The following ACTN3 variants were observed in gnomAD, a reference collection of about 807,000 sequenced individuals.
ACTN3 encodes the protein actinin alpha 3.
ACTN3 carries 91 observed loss-of-function variants against 119.6 expected under a neutral mutation model. The observed-to-expected ratio is 0.76, with a 90% confidence interval of 0.64 to 0.91. ACTN3 has a LOEUF of 0.91. Ranked by LOEUF, ACTN3 falls within the 40% of genes least tolerant of loss-of-function variation. The pLI, the probability that ACTN3 is intolerant of heterozygous loss-of-function variation, is 0.00. For missense variants in ACTN3, 1,221 were observed against 1,215.1 expected (o/e 1.00, Z -0.07); for synonymous variants, 456 against 478.8 (o/e 0.95, Z 0.62).
Position 66,563,169 on chromosome 11 carries a change from C to T in ACTN3, c.2682C>T (p.Ala894=). The change falls in exon 21 of 21, where the codon GCC becomes GCT. Residue 894 remains alanine, a synonymous_variant. Coordinates refer to ENST00000513398, the MANE Select transcript of ACTN3 (RefSeq NM_001104.4). ...TGGACTACGTGGCCTTCTCCAGTGC[C>T]CTCTATGGGGAGAGCGACCTTTGAC... ...GALDYVAFSS[A]LYGESDL 1.2e-6 allele frequency: 2 copies of T among 1,611,448 alleles called. No individual in the cohort carries two copies. The highest frequency in any genetic ancestry group is 2.2e-5 in the East Asian group (1 of 44,840).
intron 1 of ACTN3, 55 bp downstream of exon 1, chr11:66,547,139 T>C: frequency 1.4e-6 from 2 of 1,448,616 alleles, no homozygotes; most frequent in Non-Finnish European, 9.1e-7. Context: ...GGCCGGGCTG[T>C]TTGTCCTGGG....
In ACTN3 at chr11:66,551,173, G is replaced by T. The variant is rs931270274; in HGVS notation, c.148-66G>T. 8 of 1,179,414 alleles carry T rather than the reference G, an allele frequency of 6.8e-6. No homozygotes were observed. In the African/African-American group the frequency reaches 9.1e-5, roughly 13 times the overall value. 73.1% of individuals were successfully genotyped at this position (1,179,414 alleles called of 1,614,324 possible). On this transcript the variant is annotated intron_variant, in intron 1 of 20. Coordinates refer to ENST00000513398, the MANE Select transcript of ACTN3 (RefSeq NM_001104.4). ...CTCTGAGACCTACCCTGACTGAGGA[G>T]ACAGGACTGTGCCCTACATCCCCCA...
At chr11:66,550,719 T>C (rs1857451668) in intron 1 of ACTN3, among the ~76,000 whole-genome samples, 1 of 152,170 alleles carries the variant, frequency 6.6e-6, no homozygotes, top group Non-Finnish European at 1.5e-5. Flanking sequence ...CTCAGAGTCC[T>C]TACTCATGTA....
At position 66,561,302 on chromosome 11, in the gene ACTN3, CG is replaced by C; in HGVS notation, c.1938del (p.Arg647AspfsTer28). 1.2e-6 allele frequency: 2 copies of C among 1,610,010 alleles called. No individual in the cohort carries two copies. The highest frequency in any genetic ancestry group is 1.7e-6 in the Non-Finnish European group (2 of 1,178,828). ...LARQQVNERLRRQFAAQANAI... is the reference protein window; with the variant it reads ...LARQQVNERLXRQFAAQANAI... ...ACGGCAGCAGGTAAACGAGAGGCTC[CG>C]GCGACAGTTTGCGGCCCAGGCCAAT... is the stretch of plus-strand genomic sequence containing the variant. On this transcript the variant is annotated frameshift_variant, in exon 16 of 21. Coordinates refer to ENST00000513398, the MANE Select transcript of ACTN3 (RefSeq NM_001104.4). LOFTEE classifies it high-confidence loss of function.
chr11:66,551,887 C>T (rs1254866972), intron 3 of ACTN3, among the ~76,000 whole-genome samples: 2 of 151,934 alleles, frequency 1.3e-5, no homozygotes, highest in Non-Finnish European at 2.9e-5. Flanking sequence ...ACCAGCCTGG[C>T]CAACATGGCA....
chr11:66,556,301 T>G lies in ACTN3; in HGVS notation c.804+71T>G, dbSNP rs570930228. 5.4e-6 allele frequency: 8 copies of G among 1,479,264 alleles called. No homozygotes were observed. The East Asian group carries it at 1.4e-4, about 26-fold the overall frequency. The allele number at this position is 1,479,264 out of a possible 1,614,324, so 91.6% of individuals were successfully genotyped here. On this transcript the variant is annotated intron_variant, in intron 8 of 20. Transcript: ENST00000513398. ...CCCAACCTTGGCTGTAGTCCAACAT[T>G]GGAGGCGCCAGACCACGGAGGTTGG...
At chr11:66,554,216 CCACTTGAAGGA>C in intron 4 of ACTN3, 85 bp downstream of exon 4, 1 of 1,165,480 alleles carries the variant, frequency 8.6e-7, no homozygotes, top group Non-Finnish European at 1.3e-6. Context: ...GGCGGGCAGA[CCACTTGAAGGA>C]TCGCCCAGGA....
At chr11:66,560,384 T>C in intron 14 of ACTN3, 73 bp downstream of exon 14, 1 of 1,548,864 alleles carries the variant, frequency 6.5e-7, no homozygotes, top group Non-Finnish European at 8.7e-7. Flanking sequence ...CCCACAACTT[T>C]AGGCTCCTGG....
chr11:66,547,002 G>A lies in ACTN3; in HGVS notation c.65G>A (p.Gly22Glu), dbSNP rs372753126. The A allele has an allele frequency of 1.2e-5, 19 of 1,522,632 alleles. No individual in the cohort carries two copies. In the African/African-American group the frequency reaches 2.2e-4, roughly 18 times the overall value. 94.3% of individuals were successfully genotyped at this position (1,522,632 alleles called of 1,614,324 possible). A position where few individuals can be genotyped will look rare whatever the true frequency, so the allele number is the denominator to read the frequency against. Residue 22 changes from glycine (G) to glutamate (E), a missense_variant, in exon 1 of 21, where the codon GGG becomes GAG. Physicochemically the swap from Gly to Glu is moderately conservative, Grantham distance 98. Around this residue, in one of 3 missense-constraint regions of ACTN3, gnomAD observed 239 missense variants for 231.8 expected, o/e 1.03. Coordinates refer to ENST00000513398, the MANE Select transcript of ACTN3 (RefSeq NM_001104.4). ...GAGGGGCGCTTTGCGGGCGGCGGCG[G>A]GGGCGGCGAGTACATGGAACAGGAG... ...AGEGRFAGGG[G>E]GGEYMEQEED...
At position 66,557,831 on chromosome 11, in the gene ACTN3, GA is replaced by G. The variant is rs1439161485; in HGVS notation, c.1034del (p.Lys345SerfsTer87). On this transcript the variant is annotated frameshift_variant, in exon 10 of 21. Transcript: ENST00000513398. LOFTEE classifies it high-confidence loss of function. ...TCTGCACAAGCCGCCCCGCATTCAG[GA>G]AAAGTGCCAGCTGGAGATCAACTTC... is the stretch of plus-strand genomic sequence containing the variant. ...RRLHKPPRIQ[E>X]KCQLEINFNT... 1.2e-6 allele frequency: 2 copies of G among 1,614,198 alleles called. No homozygotes were observed. The highest frequency in any genetic ancestry group is 1.7e-6 in the Non-Finnish European group (2 of 1,180,026).
chr11:66,547,343 C>T (rs923520084), intron 1 of ACTN3, among the ~76,000 whole-genome samples: 16 of 152,274 alleles, frequency 1.1e-4, no homozygotes, highest in South Asian at 1.0e-3. Flanking sequence ...GGCCCACTGC[C>T]CCACTTCTGC....
At chr11:66,557,104 T>C in intron 8 of ACTN3, 29 bp from the exon 9 acceptor site, 1 of 1,548,702 alleles carries the variant, frequency 6.5e-7, no homozygotes, top group Non-Finnish European at 8.7e-7. Context: ...TTTGCTTTAA[T>C]GCCAGCCTTC....
chr11:66,560,158 C>G lies in ACTN3; in HGVS notation c.1537-13C>G. ...AGGGCAGGCTTCTGACCCACTACGC[C>G]TCCCACCTCTAGCGGATGGAGAAGC... On this transcript the variant is annotated splice_polypyrimidine_tract_variant and intron_variant, in intron 13 of 20. Transcript: ENST00000513398. 1 of 1,593,204 alleles carries G rather than the reference C, an allele frequency of 6.3e-7. No individual in the cohort carries two copies. The highest frequency in any genetic ancestry group is 8.5e-7 in the Non-Finnish European group (1 of 1,170,132).
rs1028224789 is a variant in ACTN3, at chr11:66,558,127, C to A, written c.1229C>A (p.Ala410Asp). Residue 410 changes from alanine to aspartate, a missense_variant, in exon 11 of 21, where the codon GCT becomes GAT. Around this residue, in one of 3 missense-constraint regions of ACTN3, gnomAD observed 934 missense variants for 899.9 expected, o/e 1.04. Coordinates refer to ENST00000513398, the MANE Select transcript of ACTN3 (RefSeq NM_001104.4). The stretch of plus-strand genomic sequence containing the variant: ...CGCCTGCAGCGACTCCAGCACCTGG[C>A]TGAGAAGTTCCGGCAGAAGGCCTCC... ...IRRLQRLQHL[A>D]EKFRQKASLH... 2 of 1,613,802 alleles carry A rather than the reference C, an allele frequency of 1.2e-6. No homozygotes were observed. Among genetic ancestry groups the A allele is most frequent in the African/African-American group, 1.3e-5 (1 of 74,952 alleles).
Position 66,562,789 on chromosome 11 carries a change from C to T in ACTN3, c.2389-7C>T, listed in dbSNP as rs749900859. The T allele has an allele frequency of 4.4e-6, 7 of 1,600,244 alleles. No individual in the cohort carries two copies. The East Asian group carries it at 1.6e-4, about 36-fold the overall frequency. ...ATGGGCATAGTGCCTGGCCTCTATC[C>T]CTGCAGGGGGAAGTGGAGTTTGCTC... On this transcript the variant is annotated splice_polypyrimidine_tract_variant and splice_region_variant and intron_variant, in intron 19 of 20. Transcript: ENST00000513398.
chr11:66,560,528 G>A, intron 14 of ACTN3, 45 bp from the exon 15 acceptor site: 1 of 1,574,684 alleles, frequency 6.4e-7, no homozygotes, highest in South Asian at 1.2e-5. Flanking sequence ...GTTGCCTGTG[G>A]TAAGTGGGGG....
Position 66,554,084 on chromosome 11 carries a change from T to C in ACTN3, c.422T>C (p.Ile141Thr). ...AACCTGAAGATGACCCTGGGCATGATCTGGACCATCATCCTTCGCTTCGCC... is the reference window on the plus strand; with the variant it reads ...AACCTGAAGATGACCCTGGGCATGACCTGGACCATCATCCTTCGCTTCGCC... ...DGNLKMTLGM[I>T]WTIILRFAIQ... Residue 141 changes from isoleucine (I) to threonine (T), a missense_variant, in exon 4 of 21, where the codon ATC becomes ACC. Coordinates refer to ENST00000513398, the MANE Select transcript of ACTN3 (RefSeq NM_001104.4). 6.2e-7 allele frequency: 1 copy of C among 1,613,870 alleles called. No homozygotes were observed. Among genetic ancestry groups the C allele is most frequent in the Non-Finnish European group, 8.5e-7 (1 of 1,179,946 alleles).
intron 12 of ACTN3, 145 bp from the exon 13 acceptor site, chr11:66,559,823 T>C (rs563373202): frequency 1.2e-6 from 1 of 820,480 alleles, no homozygotes; most frequent in Non-Finnish European, 2.0e-6. Context: ...CCGCCCCTCT[T>C]GGAAAGCACC....
At chr11:66,559,159 T>C in intron 11 of ACTN3, 77 bp from the exon 12 acceptor site, 2 of 1,395,504 alleles carry the variant, frequency 1.4e-6, no homozygotes, top group Non-Finnish European at 1.9e-6. Flanking sequence ...CAGATGAGGC[T>C]TCATGGTCAC....
Sources: gnomAD v4.1 joint callset for allele counts (sites outside exome capture counted in the v4.1 genomes callset) on GRCh38, gnomAD v4.1.1 for gene constraint, gnomAD v4.1.1 regional missense constraint, MANE v1.5 for transcripts, NCBI Gene and HGNC (gene_info 2026-07-23, HGNC 2026-07-21) for gene names.